The following CLSTN1 variants were observed in gnomAD, a reference collection of about 807,000 sequenced individuals.
The protein encoded by CLSTN1 is calsyntenin 1.
Under a neutral mutation model 108.3 loss-of-function variants are expected in CLSTN1, and 28 were observed. That is an observed-to-expected ratio of 0.26 (90% CI 0.19 to 0.35). CLSTN1 has a LOEUF of 0.35. CLSTN1 is among the 10% of genes least tolerant of loss of function. CLSTN1 has a pLI of 1.00. For missense variants in CLSTN1, 1,157 were observed against 1,302.6 expected (o/e 0.89, Z 1.72); for synonymous variants, 524 against 534.9 (o/e 0.98, Z 0.28).
rs949040426 is a variant in CLSTN1, at chr1:9,798,901, G to T, written c.91+24742C>A. Among the ~76,000 whole-genome samples the T allele has an allele frequency of 5.4e-4, 82 of 152,312 alleles. 1 individual carries two copies. Among genetic ancestry groups the T allele is most frequent in the East Asian group, 1.9e-4 (1 of 5,184 alleles). ...TGCCCCCCAAAATTGGAGACAGGCT[G>T]CGTGTGATGGCTCGCACCTGTAATC... On this transcript the variant is annotated intron_variant, in intron 1 of 18. Coordinates refer to ENST00000377298, the MANE Select transcript of CLSTN1 (RefSeq NM_001009566.3).
chr1:9,778,957 A>T (rs530587679), intron 1 of CLSTN1, among the ~76,000 whole-genome samples: 1 of 151,192 alleles, frequency 6.6e-6, no homozygotes, highest in African/African-American at 2.4e-5. Context: ...CAGGAGGCAG[A>T]GGTTGCAGTG....
chr1:9,799,652 A>T (rs894563038), intron 1 of CLSTN1, among the ~76,000 whole-genome samples: 3 of 148,432 alleles, frequency 2.0e-5, no homozygotes, highest in Non-Finnish European at 4.5e-5. Flanking sequence ...CAAAAAAACA[A>T]AAAAAAAATG....
chr1:9,753,709 A>G (rs1290252160), intron 4 of CLSTN1, among the ~76,000 whole-genome samples: 2 of 151,846 alleles, frequency 1.3e-5, no homozygotes, highest in African/African-American at 4.8e-5. Context: ...CAGGCTGGTC[A>G]TGAACTCCTG....
intron 2 of CLSTN1, among the ~76,000 whole-genome samples, chr1:9,757,348 T>C (rs1228763763): frequency 6.6e-6 from 1 of 150,970 alleles, no homozygotes; most frequent in African/African-American, 2.4e-5. Flanking sequence ...TTCACGCCAT[T>C]CTCCTACCTC....
At chr1:9,793,992 TC>T (rs886545148) in intron 1 of CLSTN1, among the ~76,000 whole-genome samples, 101 of 151,554 alleles carry the variant, frequency 6.7e-4, no homozygotes, top group African/African-American at 2.3e-3. Flanking sequence ...ACTCTCCCGC[TC>T]CAACTTCCCG....
chr1:9,810,831 T>A (rs1454647347), intron 1 of CLSTN1, among the ~76,000 whole-genome samples: 7 of 152,052 alleles, frequency 4.6e-5, no homozygotes, highest in Non-Finnish European at 8.8e-5. Context: ...AAATCTAAAC[T>A]GTTGACCACA....
rs1462857614 is a variant in CLSTN1, at chr1:9,823,158, T to A, written c.91+485A>T. On this transcript the variant is annotated intron_variant, in intron 1 of 18. Transcript: ENST00000377298. This position sits in a 1 kb window ranked among gnomAD's most constrained non-coding sequence, Gnocchi z 6.3. ...GGATGCGGAGGAGTGGGCTCTTATG[T>A]AAGCACACACCAAAACTGTGCGTGC... 6.6e-6 allele frequency among the ~76,000 whole-genome samples: 1 copy of A among 152,136 alleles called. No individual in the cohort carries two copies. The highest frequency in any genetic ancestry group is 6.5e-5 in the Admixed American group (1 of 15,278).
At chr1:9,786,695 A>AGCTCT (rs1653511044) in intron 1 of CLSTN1, among the ~76,000 whole-genome samples, 1 of 149,274 alleles carries the variant, frequency 6.7e-6, no homozygotes, top group African/African-American at 2.5e-5. Flanking sequence ...GCTGTTTGCA[A>AGCTCT]GCTCTGCACA....
At position 9,730,341 on chromosome 1, in the gene CLSTN1, C is replaced by A. The variant is rs532276918; in HGVS notation, c.*167G>T. 2.0e-4 allele frequency: 135 copies of A among 686,512 alleles called. No individual in the cohort carries two copies. In the African/African-American group the frequency reaches 2.1e-3, roughly 11 times the overall value. The allele number at this position is 686,512 out of a possible 1,614,324, so 42.5% of individuals were successfully genotyped here. On this transcript the variant is annotated 3_prime_UTR_variant, in exon 19 of 19. Coordinates refer to ENST00000377298, the MANE Select transcript of CLSTN1 (RefSeq NM_001009566.3). This position sits in a 1 kb window ranked among gnomAD's most constrained non-coding sequence, Gnocchi z 5.6. The stretch of plus-strand genomic sequence containing the variant: ...AGAGCGCGACCAGGCAGAGGGTGGG[C>A]GGGGAGCCTAGGGTCCTACACACCA...
At chr1:9,816,562 T>A in intron 1 of CLSTN1, among the ~76,000 whole-genome samples, 1 of 114,896 alleles carries the variant, frequency 8.7e-6, no homozygotes. Context: ...AAGGAGTGGA[T>A]GCAGAAAAAG....
At chr1:9,820,177 T>C (rs977334539) in intron 1 of CLSTN1, among the ~76,000 whole-genome samples, 2 of 152,220 alleles carry the variant, frequency 1.3e-5, no homozygotes, top group East Asian at 1.9e-4. Flanking sequence ...GCTGGCCCCA[T>C]GATCCTTGAA....
At position 9,733,027 on chromosome 1, in the gene CLSTN1, A is replaced by AAAAT. The variant is rs202078535; in HGVS notation, c.2427+370_2427+373dup. ...GCAACATAGTGAGACCTCGTCTCTA[A>AAAAT]AAATAAATAAATAAATAAAACCACA... On this transcript the variant is annotated intron_variant, in intron 16 of 18. Coordinates refer to ENST00000377298, the MANE Select transcript of CLSTN1 (RefSeq NM_001009566.3). Among the ~76,000 whole-genome samples, 632 of 152,272 alleles carry AAAAT rather than the reference A, an allele frequency of 4.2e-3. 12 individuals are homozygous for AAAAT. The East Asian group carries it at 0.042, about 10-fold the overall frequency.
At chr1:9,769,098 C>A (rs1400947335) in intron 2 of CLSTN1, among the ~76,000 whole-genome samples, 2 of 122,362 alleles carry the variant, frequency 1.6e-5, no homozygotes, top group African/African-American at 3.2e-5. Context: ...AGGGAGGAAG[C>A]GAAGGAGGGA....
chr1:9,810,777 AAAAT>A (rs998285008), intron 1 of CLSTN1, among the ~76,000 whole-genome samples: 7 of 152,118 alleles, frequency 4.6e-5, no homozygotes, highest in Admixed American at 2.6e-4. Context: ...CCCAACTCAA[AAAAT>A]AAATAAATAA....
intron 18 of CLSTN1, 68 bp downstream of exon 18, chr1:9,731,138 G>T (rs558930244): frequency 6.3e-7 from 1 of 1,582,628 alleles, no homozygotes; most frequent in Non-Finnish European, 8.7e-7. Context: ...GAGCCGCGCC[G>T]TACCGGCTTC....
chr1:9,749,560 C>A lies in CLSTN1; in HGVS notation c.886G>T (p.Val296Phe), dbSNP rs1651447730. The A allele has an allele frequency of 6.2e-7, 1 of 1,614,228 alleles. No homozygotes were observed. Among genetic ancestry groups the A allele is most frequent in the Non-Finnish European group, 8.5e-7 (1 of 1,180,042 alleles). Residue 296 changes from valine (V) to phenylalanine (F), a missense_variant, in exon 7 of 19, where the codon GTC (valine) becomes TTC (phenylalanine). By Grantham distance (50) the Val-to-Phe change is conservative. Transcript: ENST00000377298. ...TCCACTGTGGCCTGTACTGAGGCGA[C>A]TGGCTCGTCACATGTCTCCAGGTGG... ...NIHLETCDEP[V>F]ASVQATVELE...
At chr1:9,760,872 G>A (rs187364260) in intron 2 of CLSTN1, among the ~76,000 whole-genome samples, 34 of 151,766 alleles carry the variant, frequency 2.2e-4, no homozygotes, top group Middle Eastern at 3.4e-3. Flanking sequence ...CATCACATAC[G>A]AAGGTGCAGC....
chr1:9,778,757 G>A (rs933637810), intron 1 of CLSTN1, among the ~76,000 whole-genome samples: 4 of 152,082 alleles, frequency 2.6e-5, no homozygotes, highest in Admixed American at 2.0e-4. Flanking sequence ...GCTCACGCCT[G>A]TAATCTTAGC....
upstream of CLSTN1, chr1:9,824,440 G>A (rs1655333796): frequency 6.6e-6 from 1 of 152,174 alleles, no homozygotes; most frequent in Non-Finnish European, 1.5e-5. The surrounding 1 kb of genome is among the most constrained non-coding windows in gnomAD (Gnocchi z 5.0). Context: ...GTCACTTCGG[G>A]CAGGTCGCGT....
Sources: gnomAD v4.1 joint callset for allele counts (sites outside exome capture counted in the v4.1 genomes callset) on GRCh38, gnomAD v4.1.1 for gene constraint, Gnocchi (gnomAD v3.1) non-coding constraint, MANE v1.5 for transcripts, NCBI Gene and HGNC (gene_info 2026-07-23, HGNC 2026-07-21) for gene names.